KIF21A: variants seen among roughly 807,000 people sequenced by gnomAD.
KIF21A encodes the protein kinesin-like protein KIF21A.
KIF21A carries 114 observed loss-of-function variants against 202.9 expected under a neutral mutation model. The ratio of observed to expected loss-of-function variants is 0.56; its 90% confidence interval spans 0.48 to 0.66. KIF21A has a LOEUF of 0.66. KIF21A is among the 30% of genes least tolerant of loss of function. The pLI, the probability that KIF21A is intolerant of heterozygous loss-of-function variation, is 0.00. For missense variants in KIF21A, 1,677 were observed against 1,994.9 expected, an observed-to-expected ratio of 0.84 and a Z score of 3.04; for synonymous variants, 667 against 670.8, an observed-to-expected ratio of 0.99 and a Z score of 0.09.
intron 32 of KIF21A, 132 bp downstream of exon 32, chr12:39,311,285 T>C (rs900107586): frequency 3.8e-6 from 3 of 782,360 alleles, no homozygotes; most frequent in Non-Finnish European, 6.1e-6. Context: ...ATATTTTACA[T>C]TCAGGGGTTG....
At chr12:39,305,320 T>C (rs1385019678) in intron 34 of KIF21A, among the ~76,000 whole-genome samples, 1 of 144,136 alleles carries the variant, frequency 6.9e-6, no homozygotes, top group Non-Finnish European at 1.5e-5. Context: ...AAGCCGAGAT[T>C]GAGCCACTGC....
At chr12:39,385,050 C>T (rs1365033825) in intron 1 of KIF21A, among the ~76,000 whole-genome samples, 1 of 152,168 alleles carries the variant, frequency 6.6e-6, no homozygotes, top group East Asian at 1.9e-4. Context: ...GATATCCCAT[C>T]ACCTTTGCTG....
chr12:39,341,659 T>G, intron 13 of KIF21A, 37 bp from the exon 14 acceptor site: 3 of 1,564,348 alleles, frequency 1.9e-6, no homozygotes, highest in Non-Finnish European at 2.6e-6. Context: ...AGCACAATAT[T>G]GGCAAAACAA....
At chr12:39,414,408 T>C (rs1219841836) in intron 1 of KIF21A, among the ~76,000 whole-genome samples, 1 of 152,228 alleles carries the variant, frequency 6.6e-6, no homozygotes, top group East Asian at 1.9e-4. Context: ...GACAACCATG[T>C]ACTACAAACA....
chr12:39,385,335 T>C (rs1950873645), intron 1 of KIF21A, among the ~76,000 whole-genome samples: 1 of 151,908 alleles, frequency 6.6e-6, no homozygotes, highest in African/African-American at 2.4e-5. Context: ...AGTACCAATA[T>C]CAGATATCTT....
intron 27 of KIF21A, 134 bp downstream of exon 27, chr12:39,322,534 C>G (rs550644940): frequency 2.9e-6 from 2 of 678,284 alleles, no homozygotes; most frequent in African/African-American, 3.6e-5. Flanking sequence ...GAGACAACAC[C>G]TAGCAAATTA....
chr12:39,435,930 AT>A (rs1031471809), intron 1 of KIF21A, among the ~76,000 whole-genome samples: 7 of 152,094 alleles, frequency 4.6e-5, no homozygotes, highest in African/African-American at 1.7e-4. Context: ...AACAGTCTAC[AT>A]TTTTTTATAA....
intron 1 of KIF21A, among the ~76,000 whole-genome samples, chr12:39,391,229 G>A (rs1301886137): frequency 6.6e-6 from 1 of 152,118 alleles, no homozygotes; most frequent in Non-Finnish European, 1.5e-5. Flanking sequence ...CTAATAGCAA[G>A]AAATTCCAAA....
Position 39,313,746 on chromosome 12 carries a change from A to T in KIF21A, c.3959+1483T>A, listed in dbSNP as rs113966378. Among the ~76,000 whole-genome samples, 270 of 152,030 alleles carry T rather than the reference A, an allele frequency of 1.8e-3. 1 individual carries two copies. The highest frequency in any genetic ancestry group is 5.8e-3 in the African/African-American group (239 of 41,558). On this transcript the variant is annotated intron_variant, in intron 31 of 37. Coordinates refer to ENST00000361418, the MANE Select transcript of KIF21A (RefSeq NM_001173464.2). ...TTTATATGCCGACTCACTATCAATGATTTGTTTAATAGAAATAAATATTTC... is the reference window on the plus strand; with the variant it reads ...TTTATATGCCGACTCACTATCAATGTTTTGTTTAATAGAAATAAATATTTC...
intron 1 of KIF21A, among the ~76,000 whole-genome samples, chr12:39,399,341 A>G (rs192593198): frequency 1.3e-3 from 204 of 152,320 alleles, no homozygotes; most frequent in East Asian, 7.1e-3. Flanking sequence ...GAGCATCCAC[A>G]GATTTTGGTA....
intron 1 of KIF21A, among the ~76,000 whole-genome samples, chr12:39,418,183 G>T (rs1400602040): frequency 6.9e-6 from 1 of 145,002 alleles, no homozygotes; most frequent in Non-Finnish European, 1.5e-5. Context: ...GACAAAACAA[G>T]ACCCTGACTA....
intron 1 of KIF21A, among the ~76,000 whole-genome samples, chr12:39,393,989 T>C (rs1170969166): frequency 6.6e-6 from 1 of 152,232 alleles, no homozygotes; most frequent in Non-Finnish European, 1.5e-5. Flanking sequence ...CATTGCAGCT[T>C]GGATTCAGTG....
chr12:39,379,290 T>G (rs1162126274), intron 1 of KIF21A, among the ~76,000 whole-genome samples: 1 of 149,114 alleles, frequency 6.7e-6, no homozygotes, highest in Non-Finnish European at 1.5e-5. Context: ...ATCGTGCCAC[T>G]GCACTCCAGC....
At chr12:39,387,939 C>T (rs959595288) in intron 1 of KIF21A, among the ~76,000 whole-genome samples, 1 of 152,106 alleles carries the variant, frequency 6.6e-6, no homozygotes, top group Non-Finnish European at 1.5e-5. Flanking sequence ...ATATGGTACC[C>T]TCTTTTGCTA....
At chr12:39,396,900 C>T (rs370326792) in intron 1 of KIF21A, among the ~76,000 whole-genome samples, 1 of 152,120 alleles carries the variant, frequency 6.6e-6, no homozygotes, top group East Asian at 1.9e-4. Flanking sequence ...CTGACACATG[C>T]CACAACGTGA....
intron 1 of KIF21A, among the ~76,000 whole-genome samples, chr12:39,394,227 C>T (rs1332486715): frequency 6.6e-6 from 1 of 152,236 alleles, no homozygotes; most frequent in Non-Finnish European, 1.5e-5. Context: ...AGGTCATCTT[C>T]ACATCAAATG....
chr12:39,425,075 C>G (rs1954639500), intron 1 of KIF21A, among the ~76,000 whole-genome samples: 1 of 152,094 alleles, frequency 6.6e-6, no homozygotes, highest in Admixed American at 6.6e-5. Flanking sequence ...ATTTCTTAGC[C>G]CTTTTTCACT....
At chr12:39,367,663 T>C (rs1475429194) in intron 4 of KIF21A, among the ~76,000 whole-genome samples, 1 of 152,218 alleles carries the variant, frequency 6.6e-6, no homozygotes, top group African/African-American at 2.4e-5. Flanking sequence ...TGCCTTAGAT[T>C]CTTTTGATGC....
chr12:39,307,618 G>A lies in KIF21A; in HGVS notation c.4389C>T (p.Gly1463=), dbSNP rs1381637815. 2 of 1,614,118 alleles carry A rather than the reference G, an allele frequency of 1.2e-6. No homozygotes were observed. ...QINQIALNPT[G]TFLYAASGNA... is the part of the protein sequence containing the mutation. ...TTCCAGAAGCAGCATAGAGGAAGGT[G>A]CCAGTTGGGTTTAGGGCAATTTGAT... Residue 1463 remains glycine (G), a synonymous_variant, in exon 34 of 38, where the codon GGC becomes GGT. Coordinates refer to ENST00000361418, the MANE Select transcript of KIF21A (RefSeq NM_001173464.2).
Sources: gnomAD v4.1 joint callset for allele counts (sites outside exome capture counted in the v4.1 genomes callset) on GRCh38, gnomAD v4.1.1 for gene constraint, MANE v1.5 for transcripts, NCBI Gene and HGNC (gene_info 2026-07-23, HGNC 2026-07-21) for gene names.